Variants in STARD13 observed in about 807,000 individuals in gnomAD.
STARD13 encodes the protein stAR-related lipid transfer protein 13.
STARD13 carries 62 observed loss-of-function variants against 106.4 expected under a neutral mutation model. That is an observed-to-expected ratio of 0.58 (90% CI 0.48 to 0.72). STARD13 has a LOEUF of 0.72. Ranked by LOEUF, STARD13 falls within the 30% of genes least tolerant of loss-of-function variation. The pLI is 0.00. For synonymous variants in STARD13, 565 were observed against 553.0 expected (o/e 1.02, Z -0.31); for missense variants, 1,387 against 1,424.0 (o/e 0.97, Z 0.42).
rs1873488483 is a variant in STARD13, at chr13:33,104,803, CGGT to C, written c.*787_*789del. 6.5e-6 allele frequency: 1 copy of C among 153,468 alleles called. No individual in the cohort carries two copies. The highest frequency in any genetic ancestry group is 2.4e-5 in the African/African-American group (1 of 41,400). The allele number at this position is 153,468 out of a possible 1,614,324, so 9.5% of individuals were successfully genotyped here. On this transcript the variant is annotated 3_prime_UTR_variant, in exon 14 of 14. Transcript: ENST00000336934. ...CTGTTTCAGTCACTCTCGCTGACTCCGGTGGTCCATATCTCACTGAAATTCCAT... is the reference window on the plus strand; with the variant it reads ...CTGTTTCAGTCACTCTCGCTGACTCCGGTCCATATCTCACTGAAATTCCAT...
chr13:33,176,062 G>A (rs1469895757), intron 1 of STARD13, among the ~76,000 whole-genome samples: 1 of 152,126 alleles, frequency 6.6e-6, no homozygotes, highest in African/African-American at 2.4e-5. Flanking sequence ...TCCTTTTGGG[G>A]TTGACATGGC....
the STARD13 span, among the ~76,000 whole-genome samples, chr13:33,429,757 C>A: frequency 6.6e-6 from 1 of 151,884 alleles, no homozygotes; most frequent in Non-Finnish European, 1.5e-5. Flanking sequence ...GGATGGTTAC[C>A]GGAGGCTGGC....
chr13:33,531,388 A>G, the STARD13 span, among the ~76,000 whole-genome samples: 3 of 152,300 alleles, frequency 2.0e-5, no homozygotes, highest in South Asian at 2.1e-4. Context: ...ACAAGTTTCA[A>G]TCCATTGCAA....
intron 1 of STARD13, among the ~76,000 whole-genome samples, chr13:33,265,668 C>T (rs369158412): frequency 2.6e-5 from 4 of 151,916 alleles, no homozygotes; most frequent in Admixed American, 6.6e-5. Flanking sequence ...ATTTAATGTT[C>T]GTAGTTTATT....
the STARD13 span, among the ~76,000 whole-genome samples, chr13:33,475,128 G>A: frequency 6.6e-6 from 1 of 152,004 alleles, no homozygotes; most frequent in Admixed American, 6.6e-5. Context: ...ACTTAAGAAA[G>A]GATTATGATA....
At chr13:33,595,962 T>C in the STARD13 span, among the ~76,000 whole-genome samples, 14 of 152,196 alleles carry the variant, frequency 9.2e-5, 1 homozygote, top group Admixed American at 9.2e-4. Flanking sequence ...GTTTACTGTT[T>C]AAATTGTATT....
At chr13:33,151,056 G>A (rs1007466546) in intron 3 of STARD13, among the ~76,000 whole-genome samples, 1 of 152,124 alleles carries the variant, frequency 6.6e-6, no homozygotes, top group Admixed American at 6.5e-5. Context: ...TAGGGACAAC[G>A]CCTCCCAGAG....
intron 3 of STARD13, among the ~76,000 whole-genome samples, chr13:33,153,995 G>A (rs1881634002): frequency 6.6e-6 from 1 of 152,162 alleles, no homozygotes; most frequent in Non-Finnish European, 1.5e-5. Flanking sequence ...CTCCTCCTCG[G>A]GCTGTAGCTG....
rs1032494636 is a variant in STARD13, at chr13:33,129,009, T to C, written c.1668A>G (p.Thr556=). ...TTPSDVERDV[T]SLNESEPPGV... The stretch of plus-strand genomic sequence containing the variant: ...CAGGAGGCTCAGATTCATTAAGAGA[T>C]GTTACATCTCTTTCCACATCACTGG... Residue 556 remains threonine, a synonymous_variant, in exon 5 of 14, where the codon ACA becomes ACG. Coordinates refer to ENST00000336934, the MANE Select transcript of STARD13 (RefSeq NM_178006.4). The C allele has an allele frequency of 6.2e-7, 1 of 1,614,128 alleles. No homozygotes were observed. The highest frequency in any genetic ancestry group is 8.5e-7 in the Non-Finnish European group (1 of 1,180,014).
At chr13:33,427,186 G>A in the STARD13 span, among the ~76,000 whole-genome samples, 186 of 152,170 alleles carry the variant, frequency 1.2e-3, 1 homozygote, top group African/African-American at 4.2e-3. Flanking sequence ...ATTAATAGAC[G>A]AGGAAAATGA....
At chr13:33,393,400 G>A in the STARD13 span, among the ~76,000 whole-genome samples, 1 of 152,298 alleles carries the variant, frequency 6.6e-6, no homozygotes, top group African/African-American at 2.4e-5. Flanking sequence ...ATGTCAGCAT[G>A]GTGTAGTGGG....
rs945687738 is a variant in STARD13 at position 33,128,245 on chromosome 13, G to T, written c.1748+684C>A. Reference sequence around the variant, plus strand: ...GAGGGAGAGAGCTGTCGAATGTCTAGGGCTGTAGAAAATTTTCTCATTGTC... The same window carrying T: ...GAGGGAGAGAGCTGTCGAATGTCTATGGCTGTAGAAAATTTTCTCATTGTC... On this transcript the variant is annotated intron_variant, in intron 5 of 13. Transcript: ENST00000336934. Among the ~76,000 whole-genome samples, 10 of 152,102 alleles carry T rather than the reference G, an allele frequency of 6.6e-5. No individual in the cohort carries two copies. In the East Asian group the frequency reaches 1.9e-3, roughly 29 times the overall value.
the STARD13 span, among the ~76,000 whole-genome samples, chr13:33,511,713 A>C: frequency 6.6e-6 from 1 of 152,156 alleles, no homozygotes; most frequent in African/African-American, 2.4e-5. Context: ...CAAGTACAAA[A>C]CTGGTCGCTG....
upstream of STARD13, among the ~76,000 whole-genome samples, chr13:33,352,996 C>A (rs770881154): frequency 1.3e-5 from 2 of 152,190 alleles, no homozygotes; most frequent in African/African-American, 2.4e-5. Context: ...TCCCTCCCAT[C>A]GCAGCGGAAG....
At chr13:33,159,474 C>T (rs1008320631) in intron 3 of STARD13, among the ~76,000 whole-genome samples, 2 of 152,172 alleles carry the variant, frequency 1.3e-5, no homozygotes, top group African/African-American at 2.4e-5. Context: ...GCCCGCTAAG[C>T]CACCTATATC....
chr13:33,418,160 G>A, the STARD13 span, among the ~76,000 whole-genome samples: 1 of 152,164 alleles, frequency 6.6e-6, no homozygotes, highest in Non-Finnish European at 1.5e-5. Flanking sequence ...AAGTGCAAGG[G>A]GTCAGGGGAT....
chr13:33,414,254 T>G, the STARD13 span, among the ~76,000 whole-genome samples: 3 of 152,210 alleles, frequency 2.0e-5, no homozygotes, highest in Non-Finnish European at 4.4e-5. Flanking sequence ...ACAGTCAATC[T>G]GGTAGACACT....
At position 33,103,934 on chromosome 13, in the gene STARD13, A is replaced by C. The variant is rs1219051860; in HGVS notation, c.*1659T>G. 6.6e-6 allele frequency: 1 copy of C among 152,246 alleles called. No individual in the cohort carries two copies. The highest frequency in any genetic ancestry group is 1.5e-5 in the Non-Finnish European group (1 of 68,038). 9.4% of individuals were successfully genotyped at this position (152,246 alleles called of 1,614,324 possible). A position where few individuals can be genotyped will look rare whatever the true frequency, so the allele number is the denominator to read the frequency against. ...TGCTTCCTTCTTAGGTAGATATGGG[A>C]ATGAAAAATTTCTAGGTCATAATTC... On this transcript the variant is annotated 3_prime_UTR_variant, in exon 14 of 14. Coordinates refer to ENST00000336934, the MANE Select transcript of STARD13 (RefSeq NM_178006.4).
the STARD13 span, among the ~76,000 whole-genome samples, chr13:33,574,413 A>T: frequency 1.3e-5 from 2 of 152,136 alleles, no homozygotes; most frequent in East Asian, 3.8e-4. Context: ...TTCAAATTAG[A>T]TTGACTAAAA....
Sources: gnomAD v4.1 joint callset for allele counts (sites outside exome capture counted in the v4.1 genomes callset) on GRCh38, gnomAD v4.1.1 for gene constraint, MANE v1.5 for transcripts, NCBI Gene and HGNC (gene_info 2026-07-23, HGNC 2026-07-21) for gene names.